The following L3MBTL4 variants were observed in gnomAD, a reference collection of about 807,000 sequenced individuals.
L3MBTL4 encodes L3MBTL histone methyl-lysine binding protein 4, also known as lethal(3)malignant brain tumor-like protein 4.
In L3MBTL4, 70 loss-of-function variants were observed where a neutral mutation model predicts 84.5. The ratio of observed to expected loss-of-function variants is 0.83; its 90% confidence interval spans 0.68 to 1.01. The LOEUF (loss-of-function observed/expected upper bound fraction) is 1.01, where lower values mean the gene tolerates loss of function less well. Among genes scored for constraint, L3MBTL4 ranks in the 50% least tolerant of loss-of-function variants. The pLI, the probability that L3MBTL4 is intolerant of heterozygous loss-of-function variation, is 0.00. For missense variants in L3MBTL4, 715 were observed against 754.8 expected (o/e 0.95, Z 0.62); for synonymous variants, 274 against 259.8 (o/e 1.05, Z -0.52).
intron 12 of L3MBTL4, among the ~76,000 whole-genome samples, chr18:6,183,390 C>T (rs917694608): frequency 2.0e-5 from 3 of 152,188 alleles, no homozygotes; most frequent in African/African-American, 4.8e-5. Flanking sequence ...ACTGGACCAC[C>T]GTGGCCGACG....
intron 13 of L3MBTL4, among the ~76,000 whole-genome samples, chr18:6,146,543 C>T (rs536782113): frequency 6.6e-6 from 1 of 152,318 alleles, no homozygotes; most frequent in South Asian, 2.1e-4. Context: ...GGCTGCCAGG[C>T]CTGCGGCAAG....
At chr18:6,356,036 A>G (rs2053430673) in intron 1 of L3MBTL4, among the ~76,000 whole-genome samples, 2 of 152,206 alleles carry the variant, frequency 1.3e-5, no homozygotes, top group South Asian at 2.1e-4. Context: ...ACAGCCCTCA[A>G]AAAAGAGGCC....
chr18:6,310,494 T>C (rs981975432), intron 3 of L3MBTL4, among the ~76,000 whole-genome samples: 1 of 152,202 alleles, frequency 6.6e-6, no homozygotes, highest in Non-Finnish European at 1.5e-5. Flanking sequence ...AGATGTCTCA[T>C]GTAATGTCTG....
At chr18:6,167,827 G>A (rs1387728297) in intron 13 of L3MBTL4, among the ~76,000 whole-genome samples, 3 of 152,124 alleles carry the variant, frequency 2.0e-5, no homozygotes, top group Admixed American at 1.3e-4. Context: ...GTTCTGGCCA[G>A]GGCAATCAGG....
chr18:5,973,684 T>C (rs1037973457), intron 16 of L3MBTL4, among the ~76,000 whole-genome samples: 1 of 152,182 alleles, frequency 6.6e-6, no homozygotes, highest in Non-Finnish European at 1.5e-5. Context: ...GATTCTTCTA[T>C]CTTGGGCATT....
intron 16 of L3MBTL4, among the ~76,000 whole-genome samples, chr18:6,038,400 T>C (rs1454039068): frequency 1.3e-5 from 2 of 151,936 alleles, no homozygotes; most frequent in Admixed American, 6.6e-5. Context: ...ACTATAGGCG[T>C]CCGCCACCGC....
chr18:6,323,969 T>C (rs886631158), intron 1 of L3MBTL4, among the ~76,000 whole-genome samples: 1 of 148,994 alleles, frequency 6.7e-6, no homozygotes, highest in Non-Finnish European at 1.5e-5. Context: ...GTTTTGTGCG[T>C]CACACCCAGG....
At chr18:6,193,647 T>C (rs112191464) in intron 12 of L3MBTL4, among the ~76,000 whole-genome samples, 2 of 152,140 alleles carry the variant, frequency 1.3e-5, no homozygotes, top group African/African-American at 4.8e-5. Flanking sequence ...TCACTGCGGA[T>C]AAAGGGCGAG....
chr18:5,956,910 A>ATT (rs11333347), intron 18 of L3MBTL4, among the ~76,000 whole-genome samples: 2 of 150,974 alleles, frequency 1.3e-5, no homozygotes, highest in South Asian at 2.1e-4. Context: ...TGATTTAGGA[A>ATT]TTTTTTTTTT....
At chr18:6,213,907 T>A (rs1471438815) in intron 11 of L3MBTL4, among the ~76,000 whole-genome samples, 1 of 152,210 alleles carries the variant, frequency 6.6e-6, no homozygotes, top group African/African-American at 2.4e-5. Flanking sequence ...ATTAGTTTAG[T>A]TTTTTTCCTT....
At chr18:5,968,201 G>A (rs760346612) in intron 17 of L3MBTL4, among the ~76,000 whole-genome samples, 3 of 152,244 alleles carry the variant, frequency 2.0e-5, no homozygotes, top group Non-Finnish European at 2.9e-5. Context: ...AACTGCAGCT[G>A]TAGCTCTAAT....
At chr18:6,311,485 T>C in intron 3 of L3MBTL4, 69 bp downstream of exon 3, 1 of 1,321,406 alleles carries the variant, frequency 7.6e-7, no homozygotes, top group Admixed American at 1.7e-5. Context: ...ATGTGAACTC[T>C]ACTATTCCAT....
intron 13 of L3MBTL4, among the ~76,000 whole-genome samples, chr18:6,153,011 C>A (rs958073393): frequency 6.6e-6 from 1 of 152,084 alleles, no homozygotes; most frequent in Non-Finnish European, 1.5e-5. Flanking sequence ...ATTATATATT[C>A]TTGGTGCCTT....
intron 16 of L3MBTL4, chr18:6,030,485 T>C (rs1201477730): frequency 1.0e-6 from 1 of 977,378 alleles, no homozygotes; most frequent in African/African-American, 1.8e-5. Flanking sequence ...ATTAGGTTTA[T>C]TTTAATGAAG....
intron 16 of L3MBTL4, among the ~76,000 whole-genome samples, chr18:6,044,417 T>C (rs898048501): frequency 3.5e-4 from 53 of 152,194 alleles, no homozygotes. Flanking sequence ...TCTTTTTTTG[T>C]CTCAAACTGG....
intron 5 of L3MBTL4, among the ~76,000 whole-genome samples, chr18:6,257,236 G>A (rs2048182836): frequency 6.6e-6 from 1 of 152,112 alleles, no homozygotes; most frequent in Admixed American, 6.5e-5. Flanking sequence ...GCAGGTAAAA[G>A]CACAGCAAAC....
intron 16 of L3MBTL4, among the ~76,000 whole-genome samples, chr18:6,001,840 G>GA (rs1299096516): frequency 6.6e-6 from 1 of 152,154 alleles, no homozygotes; most frequent in African/African-American, 2.4e-5. Flanking sequence ...GTTTCTGAAG[G>GA]AAAAAAGAGA....
intron 17 of L3MBTL4, among the ~76,000 whole-genome samples, chr18:5,966,116 C>T (rs1415962343): frequency 6.6e-6 from 1 of 152,178 alleles, no homozygotes; most frequent in African/African-American, 2.4e-5. Context: ...CCTAATGACA[C>T]TTTCACCTAG....
chr18:6,175,115 A>G (rs2044167728), intron 12 of L3MBTL4, among the ~76,000 whole-genome samples: 1 of 152,118 alleles, frequency 6.6e-6, no homozygotes, highest in Admixed American at 6.6e-5. Flanking sequence ...ATACAAAGGA[A>G]ATGAAAACTA....
Sources: allele counts gnomAD v4.1 joint callset (sites outside exome capture counted in the v4.1 genomes callset), GRCh38; gene constraint gnomAD v4.1.1; transcripts MANE v1.5; gene names NCBI Gene and HGNC (gene_info 2026-07-23, HGNC 2026-07-21).